Variants in ADAMTSL1 observed in about 807,000 individuals in gnomAD.
ADAMTSL1 encodes the protein ADAMTS-like protein 1.
In ADAMTSL1, 126 loss-of-function variants were observed where a neutral mutation model predicts 201.8. The observed-to-expected ratio is 0.62, with a 90% CI of 0.54 to 0.72. ADAMTSL1 has a LOEUF of 0.72. Among genes scored for constraint, ADAMTSL1 ranks in the 30% least tolerant of loss-of-function variants. The probability of loss-of-function intolerance (pLI) is 0.00; values close to 1 mark genes in which losing one functional copy is unlikely to be tolerated. For synonymous variants in ADAMTSL1, 1,121 were observed against 903.4 expected (o/e 1.24, Z -4.32); for missense variants, 2,679 against 2,277.8 (o/e 1.18, Z -3.59).
intron 2 of ADAMTSL1, among the ~76,000 whole-genome samples, chr9:18,358,753 A>G (rs142717959): frequency 9.2e-5 from 14 of 152,162 alleles, no homozygotes; most frequent in African/African-American, 2.9e-4. Context: ...TGCATATGCC[A>G]TATTTGTTTT....
intron 1 of ADAMTSL1, among the ~76,000 whole-genome samples, chr9:18,487,202 A>G (rs1034651931): frequency 4.6e-5 from 7 of 152,232 alleles, no homozygotes; most frequent in African/African-American, 1.4e-4. Flanking sequence ...AATGTCACAT[A>G]AACTCTTTAT....
At chr9:18,137,335 A>G (rs185834522) in intron 1 of ADAMTSL1, among the ~76,000 whole-genome samples, 5 of 152,322 alleles carry the variant, frequency 3.3e-5, no homozygotes, top group African/African-American at 1.2e-4. Flanking sequence ...CATATCATAG[A>G]AAGAAGTGTT....
chr9:18,018,570 A>G (rs1252977533), intron 1 of ADAMTSL1, among the ~76,000 whole-genome samples: 2 of 152,148 alleles, frequency 1.3e-5, no homozygotes, highest in East Asian at 3.9e-4. Flanking sequence ...ACTATGGGAG[A>G]AGCCAACTGC....
intron 2 of ADAMTSL1, among the ~76,000 whole-genome samples, chr9:18,424,597 C>T (rs950881948): frequency 2.6e-5 from 4 of 152,068 alleles, no homozygotes; most frequent in African/African-American, 9.7e-5. Flanking sequence ...ATAAAAACAC[C>T]AAACATATAC....
Position 18,705,996 on chromosome 9 carries a change from G to C in ADAMTSL1, c.1575-751G>C, listed in dbSNP as rs186052883. On this transcript the variant is annotated intron_variant, in intron 13 of 28. Coordinates refer to ENST00000380548, the MANE Select transcript of ADAMTSL1 (RefSeq NM_001040272.6). ...GGAAGGAATTCAAGAGCTAGCTGACGAGCAAAGTGAAAGCAAGTTTATTAA... is the reference window on the plus strand; with the variant it reads ...GGAAGGAATTCAAGAGCTAGCTGACCAGCAAAGTGAAAGCAAGTTTATTAA... Among the ~76,000 whole-genome samples the C allele has an allele frequency of 4.3e-3, 656 of 152,288 alleles. 6 individuals are homozygous for C. The highest frequency in any genetic ancestry group is 0.015 in the African/African-American group (638 of 41,562).
chr9:18,186,106 A>T (rs951615522), intron 2 of ADAMTSL1, among the ~76,000 whole-genome samples: 28 of 152,300 alleles, frequency 1.8e-4, no homozygotes, highest in African/African-American at 5.5e-4. Flanking sequence ...ATTTCTGTGC[A>T]GCCTGGACAA....
At chr9:18,495,373 A>T (rs1822484091) in intron 1 of ADAMTSL1, among the ~76,000 whole-genome samples, 1 of 152,200 alleles carries the variant, frequency 6.6e-6, no homozygotes. Flanking sequence ...TTATGGACAT[A>T]AAATCAAATA....
chr9:18,907,135 C>T (rs1830361184), intron 28 of ADAMTSL1: 2 of 555,714 alleles, frequency 3.6e-6, no homozygotes, highest in South Asian at 4.5e-5. Context: ...GATCTCCATC[C>T]TGGCCCTGAG....
At chr9:18,509,441 A>T (rs1276012048) in intron 2 of ADAMTSL1, among the ~76,000 whole-genome samples, 1 of 152,152 alleles carries the variant, frequency 6.6e-6, no homozygotes, top group African/African-American at 2.4e-5. Flanking sequence ...GCTGCATAAA[A>T]ACCACTAATC....
At chr9:18,597,405 ACTCT>A (rs888630538) in intron 4 of ADAMTSL1, among the ~76,000 whole-genome samples, 1 of 152,140 alleles carries the variant, frequency 6.6e-6, no homozygotes, top group African/African-American at 2.4e-5. Context: ...AATTATTTCA[ACTCT>A]CTCTATTATT....
At chr9:18,694,246 G>A (rs519115) in intron 13 of ADAMTSL1, among the ~76,000 whole-genome samples, 125,455 of 152,038 alleles carry the variant, frequency 0.83, 52,303 homozygotes, top group Admixed American at 0.9. Flanking sequence ...ACACAAATCT[G>A]AGCCATATCA....
At chr9:18,646,872 C>A (rs78893888) in intron 7 of ADAMTSL1, among the ~76,000 whole-genome samples, 2 of 151,690 alleles carry the variant, frequency 1.3e-5, no homozygotes, top group African/African-American at 2.4e-5. Context: ...TGTCTCTGCC[C>A]GGCTTTGGTA....
chr9:17,980,582 C>G (rs568501882), intron 1 of ADAMTSL1, among the ~76,000 whole-genome samples: 1 of 151,898 alleles, frequency 6.6e-6, no homozygotes, highest in Non-Finnish European at 1.5e-5. Flanking sequence ...AATTCTAACC[C>G]CAGCATGATG....
intron 25 of ADAMTSL1, among the ~76,000 whole-genome samples, chr9:18,890,083 G>GTTGT (rs1313183285): frequency 1.3e-5 from 2 of 152,186 alleles, no homozygotes; most frequent in East Asian, 3.8e-4. Flanking sequence ...CTGACTCTGA[G>GTTGT]TTGTTTGTAG....
At chr9:18,710,671 G>GTTTTT (rs1218055587) in intron 14 of ADAMTSL1, among the ~76,000 whole-genome samples, 11 of 97,142 alleles carry the variant, frequency 1.1e-4, no homozygotes, top group East Asian at 5.1e-4. Flanking sequence ...GTTTTGTTTT[G>GTTTTT]TTTTTTTTTT....
In ADAMTSL1 at chr9:18,298,687, A is replaced by G. The variant is rs1833572521; in HGVS notation, c.207+134706A>G. 3.3e-5 allele frequency among the ~76,000 whole-genome samples: 5 copies of G among 150,512 alleles called. No individual in the cohort carries two copies. The South Asian group carries it at 1.0e-3, about 31-fold the overall frequency. Reference sequence around the variant, plus strand: ...ATTTAACAAGTTAAAAAAAAAAAAAAGGCTGGAAGTAAGCAGTTTTCTCCT... The same window carrying G: ...ATTTAACAAGTTAAAAAAAAAAAAAGGGCTGGAAGTAAGCAGTTTTCTCCT... On this transcript the variant is annotated intron_variant, in intron 2 of 29. Transcript: ENST00000680146.
At chr9:18,107,224 A>G (rs1299492973) in intron 1 of ADAMTSL1, among the ~76,000 whole-genome samples, 7 of 152,220 alleles carry the variant, frequency 4.6e-5, no homozygotes, top group African/African-American at 1.7e-4. Context: ...TCCACATCTC[A>G]GGCTATGATA....
chr9:18,389,594 C>A (rs1837959293), intron 2 of ADAMTSL1, among the ~76,000 whole-genome samples: 1 of 152,028 alleles, frequency 6.6e-6, no homozygotes, highest in African/African-American at 2.4e-5. Context: ...GTCATAGATC[C>A]TAAGTGTGGA....
At chr9:18,231,038 G>T (rs1357476960) in intron 2 of ADAMTSL1, among the ~76,000 whole-genome samples, 1 of 152,084 alleles carries the variant, frequency 6.6e-6, no homozygotes, top group Non-Finnish European at 1.5e-5. Flanking sequence ...CTCCTCATCA[G>T]CCTGGGCGTA....
Sources: allele counts gnomAD v4.1 joint callset (sites outside exome capture counted in the v4.1 genomes callset), GRCh38; gene constraint gnomAD v4.1.1; transcripts MANE v1.5; gene names NCBI Gene and HGNC (gene_info 2026-07-23, HGNC 2026-07-21).